SNX10: variants seen among roughly 807,000 people sequenced by gnomAD.
The protein encoded by SNX10 is sorting nexin 10.
In SNX10, 25 loss-of-function variants were observed where a neutral mutation model predicts 28.5. That is an observed-to-expected ratio of 0.88 (90% confidence interval 0.64 to 1.22). The LOEUF (loss-of-function observed/expected upper bound fraction) is 1.22. SNX10 is among the 50% of genes most tolerant of loss of function. The pLI is 0.00. For synonymous variants in SNX10, 62 were observed against 81.4 expected (o/e 0.76, Z 1.28); for missense variants, 223 against 242.6 (o/e 0.92, Z 0.54).
At chr7:26,356,025 G>T (rs542182809) in intron 2 of SNX10, among the ~76,000 whole-genome samples, 75 of 152,202 alleles carry the variant, frequency 4.9e-4, no homozygotes, top group South Asian at 1.9e-3. Context: ...ATACAATACA[G>T]TTATTTTTAT....
chr7:26,343,930 C>G (rs1161906547), intron 1 of SNX10, among the ~76,000 whole-genome samples: 3 of 152,126 alleles, frequency 2.0e-5, no homozygotes, highest in South Asian at 4.1e-4. Flanking sequence ...CCTCTCCACC[C>G]CCACTTAGTC....
chr7:26,350,887 T>C (rs990077939), intron 2 of SNX10, among the ~76,000 whole-genome samples: 30 of 152,146 alleles, frequency 2.0e-4, no homozygotes, highest in African/African-American at 7.0e-4. Flanking sequence ...GTGTTACAGG[T>C]ACTGTGAGGA....
intron 1 of SNX10, among the ~76,000 whole-genome samples, chr7:26,342,028 C>CTTTT (rs35337348): frequency 9.0e-5 from 10 of 111,644 alleles, no homozygotes; most frequent in Non-Finnish European, 1.3e-4. Context: ...TTTCTTCTTT[C>CTTTT]TTTTTTTTTT....
intron 2 of SNX10, among the ~76,000 whole-genome samples, chr7:26,346,766 C>CA (rs967364520): frequency 6.6e-6 from 1 of 152,220 alleles, no homozygotes; most frequent in African/African-American, 2.4e-5. Context: ...TGCCTTCCTG[C>CA]TTTTTTACTC....
intron 1 of SNX10, among the ~76,000 whole-genome samples, chr7:26,293,894 A>T (rs1334057897): frequency 6.6e-6 from 1 of 152,242 alleles, no homozygotes; most frequent in African/African-American, 2.4e-5. Flanking sequence ...TCAAAGAGTA[A>T]CGTTGGTGTT....
intron 1 of SNX10, among the ~76,000 whole-genome samples, chr7:26,308,817 G>A (rs550209478): frequency 6.6e-6 from 1 of 152,234 alleles, no homozygotes; most frequent in East Asian, 1.9e-4. Flanking sequence ...AGTCATTTGG[G>A]TCTGAGCCTC....
intron 1 of SNX10, among the ~76,000 whole-genome samples, chr7:26,326,565 C>A (rs1787510530): frequency 2.0e-5 from 3 of 152,114 alleles, no homozygotes; most frequent in African/African-American, 7.2e-5. Flanking sequence ...AACTGGGACA[C>A]CAGAGCAAGG....
chr7:26,303,586 C>G (rs1279598753), intron 1 of SNX10, among the ~76,000 whole-genome samples: 1 of 152,214 alleles, frequency 6.6e-6, no homozygotes, highest in Non-Finnish European at 1.5e-5. Context: ...CATTCCCTTG[C>G]TTGTTTCTCT....
At chr7:26,360,242 G>A (rs985565298) in intron 2 of SNX10, among the ~76,000 whole-genome samples, 5 of 152,074 alleles carry the variant, frequency 3.3e-5, no homozygotes, top group Non-Finnish European at 7.4e-5. Context: ...TTTCCCATGA[G>A]CTTTGGTGTC....
chr7:26,361,430 G>C (rs1431962065), intron 3 of SNX10, among the ~76,000 whole-genome samples: 1 of 151,616 alleles, frequency 6.6e-6, no homozygotes, highest in Non-Finnish European at 1.5e-5. Context: ...AGTTTGAGAG[G>C]ATATAGAGTT....
chr7:26,337,709 T>C (rs1787992256), intron 1 of SNX10, among the ~76,000 whole-genome samples: 1 of 152,254 alleles, frequency 6.6e-6, no homozygotes, highest in Non-Finnish European at 1.5e-5. Flanking sequence ...TCCATTACAT[T>C]TCATTGATGG....
Position 26,364,255 on chromosome 7 carries a change from G to T in SNX10, c.112-280G>T. 1 of 858,634 alleles carries T rather than the reference G, an allele frequency of 1.2e-6. No individual in the cohort carries two copies. Among genetic ancestry groups the T allele is most frequent in the East Asian group, 5.3e-5 (1 of 18,844 alleles). 53.2% of individuals were successfully genotyped at this position (858,634 alleles called of 1,614,324 possible). On this transcript the variant is annotated intron_variant, in intron 3 of 6. Coordinates refer to ENST00000338523, the MANE Select transcript of SNX10 (RefSeq NM_013322.3). The surrounding 1 kb of genome is among the most constrained non-coding windows in gnomAD (Gnocchi z 4.9). ...TTTATGATTTATTCTTGAAAGCAGT[G>T]CTCATAGGTGAGTAGGAGGCTCCTT...
chr7:26,365,155 C>T lies in SNX10; in HGVS notation c.311+10C>T. On this transcript the variant is annotated intron_variant, in intron 5 of 6. Coordinates refer to ENST00000338523, the MANE Select transcript of SNX10 (RefSeq NM_013322.3). Reference sequence around the variant, plus strand: ...AAGATTTCCTCAGAAAGTGAGTGTCCAGAAACTTTTGTGGCCAGACAAGGG... The same window carrying T: ...AAGATTTCCTCAGAAAGTGAGTGTCTAGAAACTTTTGTGGCCAGACAAGGG... 1 of 1,564,138 alleles carries T rather than the reference C, an allele frequency of 6.4e-7. No individual in the cohort carries two copies. The highest frequency in any genetic ancestry group is 8.8e-7 in the Non-Finnish European group (1 of 1,134,698).
At chr7:26,328,258 A>T (rs938969984) in intron 1 of SNX10, among the ~76,000 whole-genome samples, 1 of 152,116 alleles carries the variant, frequency 6.6e-6, no homozygotes, top group African/African-American at 2.4e-5. Flanking sequence ...GGAATCAATG[A>T]CAGTTTCCAG....
chr7:26,300,249 A>AT (rs74964763), intron 1 of SNX10, among the ~76,000 whole-genome samples: 296 of 144,752 alleles, frequency 2.0e-3, no homozygotes, highest in South Asian at 6.1e-3. Context: ...CAAAATAATA[A>AT]TTTTTTTTTT....
Position 26,291,958 on chromosome 7 carries a change from CT to C in SNX10, c.-151del, listed in dbSNP as rs2127990955. 1.5e-5 allele frequency: 2 copies of C among 134,346 alleles called. No individual in the cohort carries two copies. Among genetic ancestry groups the C allele is most frequent in the East Asian group, 6.2e-4 (2 of 3,214 alleles). 8.3% of individuals were successfully genotyped at this position (134,346 alleles called of 1,614,324 possible). On this transcript the variant is annotated 5_prime_UTR_variant, in exon 1 of 7. Coordinates refer to ENST00000338523, the MANE Select transcript of SNX10 (RefSeq NM_013322.3). ...CGCGGGGAGCGCGGGGAGCGCGGGG[CT>C]GCGCTCGTGTGCGCTCCTGGGCGCT...
Position 26,373,576 on chromosome 7 carries a change from T to A in SNX10, c.*1004T>A, listed in dbSNP as rs1222325075. 1 of 152,080 alleles carries A rather than the reference T, an allele frequency of 6.6e-6. No individual in the cohort carries two copies. Among genetic ancestry groups the A allele is most frequent in the Middle Eastern group, 3.2e-3 (1 of 314 alleles). The allele number at this position is 152,080 out of a possible 1,614,324, so 9.4% of individuals were successfully genotyped here. On this transcript the variant is annotated 3_prime_UTR_variant, in exon 7 of 7. Transcript: ENST00000338523. The surrounding 1 kb of genome is among the most constrained non-coding windows in gnomAD (Gnocchi z 4.2). ...GCATCTACTTGAAGATTGGTATAAT[T>A]TTCATAAAATGTCTTTTTTTTTAGT... is the stretch of plus-strand genomic sequence containing the variant.
At chr7:26,311,870 C>T (rs977139638) in intron 1 of SNX10, among the ~76,000 whole-genome samples, 5 of 139,334 alleles carry the variant, frequency 3.6e-5, no homozygotes, top group Non-Finnish European at 6.0e-5. Flanking sequence ...TTTTCACGCA[C>T]GTGGATGTTG....
chr7:26,333,576 G>A (rs1381848269), intron 1 of SNX10, among the ~76,000 whole-genome samples: 1 of 151,596 alleles, frequency 6.6e-6, no homozygotes, highest in South Asian at 2.1e-4. Flanking sequence ...CGCCCGTCTC[G>A]GCCTCCCAAA....
Sources: gnomAD v4.1 joint callset for allele counts (sites outside exome capture counted in the v4.1 genomes callset) on GRCh38, gnomAD v4.1.1 for gene constraint, Gnocchi (gnomAD v3.1) non-coding constraint, MANE v1.5 for transcripts, NCBI Gene and HGNC (gene_info 2026-07-23, HGNC 2026-07-21) for gene names.